Variants in ZNFX1 observed in about 807,000 individuals in gnomAD.
The protein encoded by ZNFX1 is zinc finger NFX1-type containing 1.
A neutral mutation model predicts 179.8 loss-of-function variants in ZNFX1; 78 were observed. The observed-to-expected ratio is 0.43, with a 90% CI of 0.36 to 0.52. The LOEUF is 0.52. Among genes scored for constraint, ZNFX1 ranks in the 20% least tolerant of loss-of-function variants. ZNFX1 has a pLI of 0.00. For synonymous variants in ZNFX1, 848 were observed against 868.5 expected, an observed-to-expected ratio of 0.98 and a Z score of 0.42; for missense variants, 1,927 against 2,386.6, an observed-to-expected ratio of 0.81 and a Z score of 4.01.
Position 49,254,658 on chromosome 20 carries a change from T to C in ZNFX1, c.2805-9A>G, listed in dbSNP as rs1283153108. On this transcript the variant is annotated splice_polypyrimidine_tract_variant and intron_variant, in intron 9 of 13. Coordinates refer to ENST00000396105, the MANE Select transcript of ZNFX1 (RefSeq NM_021035.3). ...ACAACTGTAGCCAGAGCCTGGAGAA[T>C]GGGAAGAACCAAGGAAAGAAAGCCA... is the stretch of plus-strand genomic sequence containing the variant. 2 of 1,611,920 alleles carry C rather than the reference T, an allele frequency of 1.2e-6. No homozygotes were observed. The highest frequency in any genetic ancestry group is 2.7e-5 in the African/African-American group (2 of 74,954).
At chr20:49,263,145 C>A (rs1485717022) in intron 6 of ZNFX1, among the ~76,000 whole-genome samples, 189 bp downstream of exon 6, 2 of 152,156 alleles carry the variant, frequency 1.3e-5, no homozygotes, top group East Asian at 3.9e-4. Context: ...GACTAAAACC[C>A]AACAGGCTGG....
intron 3 of ZNFX1, among the ~76,000 whole-genome samples, chr20:49,268,753 T>A (rs1879291709): frequency 6.6e-6 from 1 of 152,080 alleles, no homozygotes; most frequent in Non-Finnish European, 1.5e-5. Flanking sequence ...AACATCAACA[T>A]CACTAATCAT....
chr20:49,277,525 A>C (rs1981608381), intron 1 of ZNFX1, among the ~76,000 whole-genome samples: 1 of 151,108 alleles, frequency 6.6e-6, no homozygotes, highest in African/African-American at 2.4e-5. Context: ...CGAGTGGCAG[A>C]AGGGAGGGCA....
chr20:49,261,781 G>A (rs1295274524), intron 6 of ZNFX1, among the ~76,000 whole-genome samples: 1 of 151,838 alleles, frequency 6.6e-6, no homozygotes, highest in African/African-American at 2.4e-5. Context: ...GAGTAGCTGG[G>A]ACTACAGGCG....
chr20:49,251,754 T>C (rs1169013288), intron 12 of ZNFX1, 132 bp from the exon 13 acceptor site: 2 of 648,138 alleles, frequency 3.1e-6, no homozygotes, highest in Non-Finnish European at 5.1e-6. Flanking sequence ...TCCCATCACT[T>C]TGGGAAGCCA....
At chr20:49,273,332 C>T (rs1209100124) in intron 2 of ZNFX1, among the ~76,000 whole-genome samples, 3 of 152,002 alleles carry the variant, frequency 2.0e-5, no homozygotes, top group Non-Finnish European at 4.4e-5. Context: ...TGGGGTTTCA[C>T]CATGTTAGCC....
At chr20:49,253,875 G>A (rs1980903705) in intron 10 of ZNFX1, 64 bp from the exon 11 acceptor site, 2 of 1,584,412 alleles carry the variant, frequency 1.3e-6, no homozygotes, top group African/African-American at 2.7e-5. Context: ...AGGGCCACTG[G>A]GCCTCTGGGA....
Position 49,246,629 on chromosome 20 carries a change from G to C in ZNFX1, c.*638C>G, listed in dbSNP as rs1172917556. 1 of 334,476 alleles carries C rather than the reference G, an allele frequency of 3.0e-6. No individual in the cohort carries two copies. The highest frequency in any genetic ancestry group is 4.1e-5 in the Admixed American group (1 of 24,140). The allele number at this position is 334,476 out of a possible 1,614,324, so 20.7% of individuals were successfully genotyped here. On this transcript the variant is annotated 3_prime_UTR_variant, in exon 14 of 14. Transcript: ENST00000396105. ...TCATACTCTGTTCCTGGGGAACAAT[G>C]TAGAATAAACATCTGACCAAGTAAA...
intron 12 of ZNFX1, 71 bp from the exon 13 acceptor site, chr20:49,251,693 T>A: frequency 1.4e-6 from 2 of 1,388,252 alleles, no homozygotes; most frequent in Non-Finnish European, 2.0e-6. Context: ...AAAGATAAGG[T>A]TGCTGTTAGA....
At position 49,247,516 on chromosome 20, in the gene ZNFX1, G is replaced by A; in HGVS notation, c.5508C>T (p.Val1836=). 1 of 1,614,200 alleles carries A rather than the reference G, an allele frequency of 6.2e-7. No homozygotes were observed. The highest frequency in any genetic ancestry group is 8.5e-7 in the Non-Finnish European group (1 of 1,180,038). Residue 1836 remains valine, a synonymous_variant, in exon 14 of 14, where the codon GTC becomes GTT. Transcript: ENST00000396105. The part of the protein sequence containing the change: ...GISEEERVQI[V]SAIGYPRGHW... ...GACCACGAGGATAACCTATGGCACT[G>A]ACAATCTGCACTCGCTCTTCCTCTG...
Position 49,270,617 on chromosome 20 carries a change from C to A in ZNFX1, c.1195G>T (p.Gly399Cys), listed in dbSNP as rs867690702. 1.9e-6 allele frequency: 3 copies of A among 1,614,098 alleles called. No individual in the cohort carries two copies. The highest frequency in any genetic ancestry group is 3.3e-4 in the Middle Eastern group (2 of 6,062). ...LELLQSFEDQGLRKRKFDDIR... is the reference protein window; with the variant it reads ...LELLQSFEDQCLRKRKFDDIR... ...TCATCAAACTTTCTCTTCCTCAGGCCCTGGTCTTCAAAGCTTTGGAGAAGT... is the reference window on the plus strand; with the variant it reads ...TCATCAAACTTTCTCTTCCTCAGGCACTGGTCTTCAAAGCTTTGGAGAAGT... Residue 399 changes from glycine to cysteine, a missense_variant, in exon 3 of 14, where the codon GGC (glycine) becomes TGC (cysteine). By Grantham distance (159) the Gly-to-Cys change is radical (BLOSUM62 -3). Coordinates refer to ENST00000396105, the MANE Select transcript of ZNFX1 (RefSeq NM_021035.3). This position sits in a 1 kb window ranked among gnomAD's most constrained non-coding sequence, Gnocchi z 4.6.
rs1568982409 is a variant in ZNFX1, at chr20:49,253,647, AG to A, written c.3105+18del. 4.3e-6 allele frequency: 7 copies of A among 1,613,486 alleles called. No homozygotes were observed. In the Middle Eastern group the frequency reaches 1.2e-3, roughly 280 times the overall value. ...CCCACGGAGAGCCAGCCCATCTTCT[AG>A]GGGGACTCTCGTTTTACCTGCTGGT... is the stretch of plus-strand genomic sequence containing the variant. On this transcript the variant is annotated intron_variant, in intron 11 of 13. Transcript: ENST00000396105.
intron 3 of ZNFX1, among the ~76,000 whole-genome samples, chr20:49,269,536 C>T (rs1265994570): frequency 6.6e-6 from 1 of 152,150 alleles, no homozygotes; most frequent in Admixed American, 6.6e-5. Context: ...ACAAAATTAG[C>T]TGGGCGTGGT....
chr20:49,276,455 G>C (rs1262592609), intron 1 of ZNFX1, among the ~76,000 whole-genome samples: 1 of 152,222 alleles, frequency 6.6e-6, no homozygotes, highest in Non-Finnish European at 1.5e-5. Flanking sequence ...CTGCTCTACT[G>C]AATCAAGAGA....
Position 49,271,306 on chromosome 20 carries a change from C to T in ZNFX1, c.506G>A (p.Gly169Glu), listed in dbSNP as rs764150528. Reference sequence around the variant, plus strand: ...AGAATGAGAAAGGAGCTCTTTCAGCCCTAAACTTGTGGCAAGTGTGATGAC... The same window carrying T: ...AGAATGAGAAAGGAGCTCTTTCAGCTCTAAACTTGTGGCAAGTGTGATGAC... ...EVVITLATSL[G>E]LKELLSHSSM... The change falls in exon 3 of 14, where the codon GGG becomes GAG. Residue 169 changes from glycine (G) to glutamate (E), a missense_variant. Gly to Glu is a moderately conservative substitution (Grantham distance 98). Coordinates refer to ENST00000396105, the MANE Select transcript of ZNFX1 (RefSeq NM_021035.3). The T allele has an allele frequency of 6.2e-7, 1 of 1,614,140 alleles. No homozygotes were observed. The highest frequency in any genetic ancestry group is 8.5e-7 in the Non-Finnish European group (1 of 1,180,022).
At chr20:49,268,047 T>A (rs238183) in intron 3 of ZNFX1, among the ~76,000 whole-genome samples, 101,526 of 151,684 alleles carry the variant, frequency 0.67, 34,929 homozygotes, top group Non-Finnish European at 0.76. Context: ...CTAATTTTTT[T>A]ATATTTTTTA....
intron 6 of ZNFX1, among the ~76,000 whole-genome samples, chr20:49,263,132 T>C (rs1238440881): frequency 6.6e-6 from 1 of 152,206 alleles, no homozygotes; most frequent in East Asian, 1.9e-4. Flanking sequence ...AGAGCCAAGC[T>C]CAGACTAAAA....
At chr20:49,253,852 G>A in intron 10 of ZNFX1, 41 bp from the exon 11 acceptor site, 8 of 1,609,298 alleles carry the variant, frequency 5.0e-6, no homozygotes, top group African/African-American at 1.3e-5. Context: ...CTGAGCTGAG[G>A]CACAGGACCC....
chr20:49,271,237 C>A lies in ZNFX1; in HGVS notation c.575G>T (p.Arg192Leu). ...NFLELICQVL[R>L]KACSSKMDRQ... ...ATCCATTTTGGAGCTACAAGCCTTC[C>A]GAAGAACCTGACAGATGAGCTCAAG... The change falls in exon 3 of 14, where the codon CGG (arginine) becomes CTG (leucine). Residue 192 changes from arginine to leucine, a missense_variant. Coordinates refer to ENST00000396105, the MANE Select transcript of ZNFX1 (RefSeq NM_021035.3). 1 of 1,614,072 alleles carries A rather than the reference C, an allele frequency of 6.2e-7. No individual in the cohort carries two copies. The highest frequency in any genetic ancestry group is 8.5e-7 in the Non-Finnish European group (1 of 1,180,026).
Sources: allele counts gnomAD v4.1 joint callset (sites outside exome capture counted in the v4.1 genomes callset), GRCh38; gene constraint gnomAD v4.1.1; non-coding constraint Gnocchi (gnomAD v3.1); transcripts MANE v1.5; gene names NCBI Gene and HGNC (gene_info 2026-07-23, HGNC 2026-07-21).